Variants in MARK3 observed in about 807,000 individuals in gnomAD.
The protein encoded by MARK3 is MAP/microtubule affinity-regulating kinase 3.
Under a neutral mutation model 90.1 loss-of-function variants are expected in MARK3, and 46 were observed. That is an observed-to-expected ratio of 0.51 (90% CI 0.40 to 0.65). The LOEUF (loss-of-function observed/expected upper bound fraction) is 0.65. Ranked by LOEUF, MARK3 falls within the 30% of genes least tolerant of loss-of-function variation. The pLI, the probability that MARK3 is intolerant of heterozygous loss-of-function variation, is 0.00. For missense variants in MARK3, 818 were observed against 947.2 expected (o/e 0.86, Z 1.79); for synonymous variants, 321 against 332.6 (o/e 0.97, Z 0.38).
At chr14:103,394,394 T>C (rs1415601210) in intron 1 of MARK3, among the ~76,000 whole-genome samples, 1 of 152,204 alleles carries the variant, frequency 6.6e-6, no homozygotes, top group East Asian at 1.9e-4. Flanking sequence ...TACAGAACAA[T>C]TGGAAGGGCA....
At chr14:103,482,413 A>G (rs1214880026) in intron 14 of MARK3, among the ~76,000 whole-genome samples, 2 of 152,046 alleles carry the variant, frequency 1.3e-5, no homozygotes, top group East Asian at 3.9e-4. Flanking sequence ...CCCAGCTACC[A>G]GGGAGACTGA....
At chr14:103,389,967 G>T (rs1450833654) in intron 1 of MARK3, among the ~76,000 whole-genome samples, 2 of 87,310 alleles carry the variant, frequency 2.3e-5, no homozygotes, top group African/African-American at 4.7e-5. Context: ...AAAAAAAAAA[G>T]GCCGGGCGCG....
intron 1 of MARK3, among the ~76,000 whole-genome samples, chr14:103,390,109 G>A (rs1388975741): frequency 3.3e-5 from 5 of 151,978 alleles, no homozygotes; most frequent in East Asian, 1.9e-4. Context: ...TTAGCCGGGC[G>A]TGGTGGCAGG....
intron 12 of MARK3, among the ~76,000 whole-genome samples, chr14:103,469,863 C>G (rs2093591354): frequency 1.3e-5 from 2 of 151,624 alleles, no homozygotes. Context: ...GAGTTCGAGA[C>G]TAGCCTGACC....
At chr14:103,470,843 G>A (rs1331336642) in intron 12 of MARK3, among the ~76,000 whole-genome samples, 3 of 152,138 alleles carry the variant, frequency 2.0e-5, no homozygotes, top group African/African-American at 7.2e-5. Flanking sequence ...GGCATTTTAG[G>A]TGTGGACAGC....
intron 15 of MARK3, among the ~76,000 whole-genome samples, chr14:103,494,166 G>A (rs1324177069): frequency 2.0e-5 from 3 of 150,228 alleles, no homozygotes; most frequent in South Asian, 4.2e-4. Flanking sequence ...CCTGGGAGGC[G>A]GAGGTTGCAT....
intron 13 of MARK3, among the ~76,000 whole-genome samples, chr14:103,479,696 G>A (rs548838027): frequency 7.1e-5 from 10 of 141,172 alleles, no homozygotes; most frequent in South Asian, 4.6e-4. Flanking sequence ...GCAATGGTGC[G>A]ATCTCAGCTC....
At chr14:103,472,377 G>T (rs1343050291) in intron 12 of MARK3, among the ~76,000 whole-genome samples, 5 of 151,352 alleles carry the variant, frequency 3.3e-5, no homozygotes, top group Non-Finnish European at 7.4e-5. Flanking sequence ...GAAATTTCTG[G>T]CCGGTCGCAT....
intron 1 of MARK3, among the ~76,000 whole-genome samples, chr14:103,397,116 T>C (rs1377291233): frequency 6.6e-6 from 1 of 152,152 alleles, no homozygotes; most frequent in Non-Finnish European, 1.5e-5. Context: ...CATATGTATG[T>C]CACATTATAC....
chr14:103,395,008 G>C (rs1484527794), intron 1 of MARK3, among the ~76,000 whole-genome samples: 1 of 152,120 alleles, frequency 6.6e-6, no homozygotes, highest in Non-Finnish European at 1.5e-5. Flanking sequence ...TTGAACTCCT[G>C]ACCTCAAGTG....
intron 3 of MARK3, among the ~76,000 whole-genome samples, chr14:103,433,350 G>A (rs2141105485): frequency 6.6e-6 from 1 of 152,016 alleles, no homozygotes; most frequent in Non-Finnish European, 1.5e-5. Flanking sequence ...GCCTCCCAAA[G>A]TGCTGGGATT....
At chr14:103,449,074 T>C in intron 4 of MARK3, 107 bp downstream of exon 4, 3 of 1,202,932 alleles carry the variant, frequency 2.5e-6, no homozygotes, top group Non-Finnish European at 3.5e-6. Context: ...TCTAGTAAAA[T>C]ATATATACAA....
At position 103,385,673 on chromosome 14, in the gene MARK3, G is replaced by GT; in HGVS notation, c.-357_-356insT. On this transcript the variant is annotated 5_prime_UTR_variant, in exon 1 of 18. Coordinates refer to ENST00000429436, the MANE Select transcript of MARK3 (RefSeq NM_001128918.3). ...AGGCCCGCGAGCTGAAATTCGCGGT[G>GT]CGACGGGAGGGAGTGGAGAAGGAGG... 4.9e-6 allele frequency: 1 copy of GT among 205,290 alleles called. No homozygotes were observed. Among genetic ancestry groups the GT allele is most frequent in the South Asian group, 1.6e-4 (1 of 6,310 alleles). The allele number at this position is 205,290 out of a possible 1,614,324, so 12.7% of individuals were successfully genotyped here.
At chr14:103,486,761 G>T (rs2093936696) in intron 14 of MARK3, among the ~76,000 whole-genome samples, 1 of 152,048 alleles carries the variant, frequency 6.6e-6, no homozygotes, top group South Asian at 2.1e-4. Flanking sequence ...TGAGTTTACT[G>T]TTTCCTTCTG....
intron 15 of MARK3, among the ~76,000 whole-genome samples, chr14:103,494,615 A>G (rs981422047): frequency 2.6e-5 from 4 of 151,616 alleles, no homozygotes; most frequent in Admixed American, 1.3e-4. Flanking sequence ...AGGAAACAAG[A>G]TTATCATTGA....
chr14:103,503,395 A>C lies in MARK3; in HGVS notation c.*168A>C, dbSNP rs2075775067. ...AGCGAAAGCTGGCCTTTTTTCTACG[A>C]ATGCACTACATTAAAGATGTGCAAC... is the stretch of plus-strand genomic sequence containing the variant. On this transcript the variant is annotated 3_prime_UTR_variant, in exon 18 of 18. Coordinates refer to ENST00000429436, the MANE Select transcript of MARK3 (RefSeq NM_001128918.3). 7 of 645,104 alleles carry C rather than the reference A, an allele frequency of 1.1e-5. No individual in the cohort carries two copies. In the Admixed American group the frequency reaches 2.1e-4, roughly 19 times the overall value. The allele number at this position is 645,104 out of a possible 1,614,324, so 40.0% of individuals were successfully genotyped here.
intron 1 of MARK3, among the ~76,000 whole-genome samples, chr14:103,399,661 T>C (rs1000555157): frequency 2.9e-5 from 4 of 138,398 alleles, no homozygotes; most frequent in Admixed American, 8.0e-5. Context: ...ATGGCGCCAC[T>C]GCACTCCAGC....
At chr14:103,485,234 G>GA (rs370727686) in intron 14 of MARK3, among the ~76,000 whole-genome samples, 28,262 of 79,828 alleles carry the variant, frequency 0.35, 5,226 homozygotes, top group Middle Eastern at 0.51. Context: ...CCATCTCAAA[G>GA]AAAAAAAAAA....
At chr14:103,494,691 C>T (rs928270718) in intron 15 of MARK3, among the ~76,000 whole-genome samples, 10 of 151,976 alleles carry the variant, frequency 6.6e-5, no homozygotes, top group African/African-American at 2.4e-4. Context: ...GGCTGGAGTG[C>T]AGTGGCATGA....
Sources: allele counts gnomAD v4.1 joint callset (sites outside exome capture counted in the v4.1 genomes callset), GRCh38; gene constraint gnomAD v4.1.1; transcripts MANE v1.5; gene names NCBI Gene and HGNC (gene_info 2026-07-23, HGNC 2026-07-21).